PCDH15: variants seen among roughly 807,000 people sequenced by gnomAD.
PCDH15 encodes protocadherin-15.
In PCDH15, 129 loss-of-function variants were observed where a neutral mutation model predicts 178.5. The ratio of observed to expected loss-of-function variants is 0.72; its 90% CI spans 0.63 to 0.84. The LOEUF is 0.84. Among genes scored for constraint, PCDH15 ranks in the 40% least tolerant of loss-of-function variants. The pLI, the probability that PCDH15 is intolerant of heterozygous loss-of-function variation, is 0.00. For synonymous variants in PCDH15, 800 were observed against 732.0 expected, an observed-to-expected ratio of 1.09 and a Z score of -1.50; for missense variants, 2,230 against 2,099.9, an observed-to-expected ratio of 1.06 and a Z score of -1.21.
At chr10:54,424,151 TCAAA>T (rs2135891149) in intron 3 of PCDH15, among the ~76,000 whole-genome samples, 1 of 151,792 alleles carries the variant, frequency 6.6e-6, no homozygotes, top group South Asian at 2.1e-4. Flanking sequence ...TACGAAGAAC[TCAAA>T]CAAATTTACA....
At chr10:54,195,635 A>G (rs2133922795) in intron 11 of PCDH15, 48 bp downstream of exon 11, 1 of 1,467,994 alleles carries the variant, frequency 6.8e-7, no homozygotes, top group East Asian at 2.3e-5. Flanking sequence ...ATTAATGGAA[A>G]TATGAGATTT....
chr10:53,879,749 C>A (rs560806411), intron 26 of PCDH15, among the ~76,000 whole-genome samples: 1 of 152,116 alleles, frequency 6.6e-6, no homozygotes, highest in South Asian at 2.1e-4. Context: ...GGACTACAGG[C>A]GCGCACCACC....
chr10:55,474,215 G>A (rs568198391), intron 2 of PCDH15, among the ~76,000 whole-genome samples: 2 of 152,260 alleles, frequency 1.3e-5, no homozygotes, highest in African/African-American at 4.8e-5. Context: ...GAAGTATAAG[G>A]AGCATCCAGA....
chr10:54,298,689 G>A (rs903286014), intron 8 of PCDH15, among the ~76,000 whole-genome samples: 2 of 152,202 alleles, frequency 1.3e-5, no homozygotes, highest in African/African-American at 4.8e-5. Context: ...GCAAGTGCCA[G>A]CTCATGTCAT....
At chr10:54,270,643 A>G (rs1461440882) in intron 8 of PCDH15, among the ~76,000 whole-genome samples, 3 of 152,136 alleles carry the variant, frequency 2.0e-5, no homozygotes, top group Non-Finnish European at 4.4e-5. Context: ...TTCCACAATG[A>G]TTCTAACTTA....
intron 2 of PCDH15, among the ~76,000 whole-genome samples, chr10:54,972,640 G>C (rs1024082059): frequency 6.6e-6 from 1 of 151,942 alleles, no homozygotes; most frequent in African/African-American, 2.4e-5. Context: ...ACGAGGTCAG[G>C]AGATCGAAAC....
chr10:54,450,129 A>AT, intron 3 of PCDH15, among the ~76,000 whole-genome samples: 1 of 67,666 alleles, frequency 1.5e-5, no homozygotes, highest in African/African-American at 4.1e-5. Context: ...CCTTTTTTAT[A>AT]AATATATATA....
chr10:54,532,195 C>T (rs2083999144), intron 2 of PCDH15, among the ~76,000 whole-genome samples: 1 of 152,102 alleles, frequency 6.6e-6, no homozygotes, highest in African/African-American at 2.4e-5. Context: ...TAATTAAAAC[C>T]TTGCTTATTT....
At chr10:54,135,913 G>GTA (rs2042864419) in intron 14 of PCDH15, among the ~76,000 whole-genome samples, 1 of 152,046 alleles carries the variant, frequency 6.6e-6, no homozygotes, top group South Asian at 2.1e-4. Context: ...TTATATATTT[G>GTA]TATATGTAAG....
intron 2 of PCDH15, among the ~76,000 whole-genome samples, chr10:54,603,726 A>G (rs1204854982): frequency 6.6e-6 from 1 of 151,920 alleles, no homozygotes; most frequent in East Asian, 1.9e-4. Context: ...AGGTTAATGA[A>G]AAGCCAACAT....
chr10:54,887,935 A>G (rs11004622), intron 3 of PCDH15, among the ~76,000 whole-genome samples: 26,728 of 152,098 alleles, frequency 0.18, 3,069 homozygotes, highest in Non-Finnish European at 0.26. Flanking sequence ...CTCTCCCACA[A>G]TCAAAGTTTG....
At chr10:54,067,129 G>A (rs2094150582) in intron 17 of PCDH15, among the ~76,000 whole-genome samples, 1 of 152,064 alleles carries the variant, frequency 6.6e-6, no homozygotes, top group Admixed American at 6.6e-5. Flanking sequence ...ACATCTTTTT[G>A]GAAATGTCAA....
chr10:54,108,342 A>G (rs1465988890), intron 15 of PCDH15, among the ~76,000 whole-genome samples: 1 of 152,128 alleles, frequency 6.6e-6, no homozygotes, highest in Admixed American at 6.5e-5. Flanking sequence ...AGAGTGCAGC[A>G]ATTGTGAGGC....
At chr10:54,465,565 T>C (rs1219424498) in intron 3 of PCDH15, among the ~76,000 whole-genome samples, 2 of 152,180 alleles carry the variant, frequency 1.3e-5, no homozygotes, top group African/African-American at 4.8e-5. Context: ...CTGCAACTAG[T>C]GTTATTTCAT....
intron 2 of PCDH15, among the ~76,000 whole-genome samples, chr10:55,497,051 G>T (rs1194980561): frequency 6.6e-6 from 1 of 151,772 alleles, no homozygotes; most frequent in Non-Finnish European, 1.5e-5. Context: ...AAAATGACAG[G>T]CTAGAACAAA....
intron 1 of PCDH15, among the ~76,000 whole-genome samples, chr10:55,202,240 C>T (rs1840272905): frequency 6.6e-6 from 1 of 152,080 alleles, no homozygotes; most frequent in Non-Finnish European, 1.5e-5. Flanking sequence ...GTATAAATGA[C>T]CTCCAAGATG....
intron 1 of PCDH15, among the ~76,000 whole-genome samples, chr10:54,732,846 G>A (rs1023168953): frequency 2.0e-5 from 3 of 151,438 alleles, no homozygotes; most frequent in African/African-American, 7.3e-5. Flanking sequence ...ACAGTCAGGT[G>A]GAGCAGATTC....
chr10:54,528,014 A>G, intron 2 of PCDH15, 137 bp from the exon 3 acceptor site: 1 of 685,796 alleles, frequency 1.5e-6, no homozygotes, highest in Non-Finnish European at 2.5e-6. Flanking sequence ...TACAATTAAT[A>G]TTATTTAAAA....
chr10:55,547,171 C>T (rs564781771), intron 2 of PCDH15, among the ~76,000 whole-genome samples: 47 of 152,144 alleles, frequency 3.1e-4, no homozygotes, highest in Middle Eastern at 3.4e-3. Flanking sequence ...CAGCAGATCC[C>T]GAAGTTGCAG....
Sources: allele counts gnomAD v4.1 joint callset (sites outside exome capture counted in the v4.1 genomes callset), GRCh38; gene constraint gnomAD v4.1.1; transcripts MANE v1.5; gene names NCBI Gene and HGNC (gene_info 2026-07-23, HGNC 2026-07-21).